Variants in CELF4 observed in about 807,000 individuals in gnomAD.
The protein encoded by CELF4 is CUGBP Elav-like family member 4.
In CELF4, 18 loss-of-function variants were observed where a neutral mutation model predicts 59.9. That is an observed-to-expected ratio of 0.30 (90% CI 0.21 to 0.45). CELF4 has a LOEUF of 0.45. CELF4 is among the 20% of genes least tolerant of loss of function. The pLI is 1.00. For synonymous variants in CELF4, 261 were observed against 267.1 expected, an observed-to-expected ratio of 0.98 and a Z score of 0.22; for missense variants, 456 against 689.0, an observed-to-expected ratio of 0.66 and a Z score of 3.79.
At chr18:37,255,228 G>A (rs2068480574) in intron 11 of CELF4, among the ~76,000 whole-genome samples, 1 of 152,088 alleles carries the variant, frequency 6.6e-6, no homozygotes, top group East Asian at 1.9e-4. Flanking sequence ...CGGGAGTGAA[G>A]TAGAAGCCGT....
At chr18:37,553,289 C>T (rs1392112635) in intron 1 of CELF4, among the ~76,000 whole-genome samples, 3 of 152,194 alleles carry the variant, frequency 2.0e-5, no homozygotes, top group Non-Finnish European at 4.4e-5. Context: ...AGTTGCTCTA[C>T]TGGGGCCTCA....
At chr18:37,415,065 T>C (rs2099516495) in intron 2 of CELF4, among the ~76,000 whole-genome samples, 1 of 152,062 alleles carries the variant, frequency 6.6e-6, no homozygotes, top group Admixed American at 6.6e-5. Context: ...TGTGTAAGAG[T>C]GGGCCAGGGT....
In CELF4 at chr18:37,259,790, C is replaced by G. The variant is rs564559253; in HGVS notation, c.1250-526G>C. On this transcript the variant is annotated intron_variant, in intron 10 of 12. Coordinates refer to ENST00000420428, the MANE Select transcript of CELF4 (RefSeq NM_020180.4). ...ATCCTCCCCCTGGCCTGCAGCCTCT[C>G]TTTCTCATCTGCCCCTGATGGCCCA... Among the ~76,000 whole-genome samples the G allele has an allele frequency of 5.9e-5, 9 of 152,308 alleles. No individual in the cohort carries two copies. In the East Asian group the frequency reaches 1.7e-3, roughly 29 times the overall value.
chr18:37,531,645 G>A (rs1178923387), intron 1 of CELF4, among the ~76,000 whole-genome samples: 1 of 152,202 alleles, frequency 6.6e-6, no homozygotes, highest in East Asian at 1.9e-4. Context: ...GTGGGGTGGG[G>A]TGGGTGGAAC....
At chr18:37,467,968 G>C (rs192306149) in intron 2 of CELF4, among the ~76,000 whole-genome samples, 1 of 152,166 alleles carries the variant, frequency 6.6e-6, no homozygotes, top group East Asian at 1.9e-4. Flanking sequence ...CATGTACTCT[G>C]TTGTGTGTAT....
At chr18:37,258,900 C>T (rs1472681126) in intron 11 of CELF4, 11 of 532,064 alleles carry the variant, frequency 2.1e-5, no homozygotes, top group South Asian at 1.2e-4. Flanking sequence ...TTTCTTGGAC[C>T]GGGAGTGGGA....
rs183079377 is a variant in CELF4, at chr18:37,386,261, G to C, written c.370-64380C>G. ...ATGTGTTGAAATAAACAGTGTTCTG[G>C]AAGCTTAGAGAAAGGAATAATTAAC... On this transcript the variant is annotated intron_variant, in intron 2 of 12. Coordinates refer to ENST00000420428, the MANE Select transcript of CELF4 (RefSeq NM_020180.4). Among the ~76,000 whole-genome samples, 335 of 152,344 alleles carry C rather than the reference G, an allele frequency of 2.2e-3. 2 individuals carry two copies. Among genetic ancestry groups the C allele is most frequent in the African/African-American group, 7.4e-3 (307 of 41,572 alleles).
chr18:37,468,301 AAT>A (rs1456997055), intron 2 of CELF4, among the ~76,000 whole-genome samples: 15 of 152,252 alleles, frequency 9.9e-5, no homozygotes, highest in African/African-American at 3.4e-4. Flanking sequence ...CTGGAGTAAT[AAT>A]TCCACTCCCA....
chr18:37,384,447 G>A (rs2099077582), intron 2 of CELF4, among the ~76,000 whole-genome samples: 1 of 152,042 alleles, frequency 6.6e-6, no homozygotes, highest in South Asian at 2.1e-4. Flanking sequence ...GGCCCTGTTG[G>A]GGGCCTGTGG....
intron 1 of CELF4, among the ~76,000 whole-genome samples, chr18:37,487,438 C>T (rs1419809523): frequency 6.6e-6 from 1 of 152,226 alleles, no homozygotes; most frequent in Non-Finnish European, 1.5e-5. Context: ...AGAAATCTCT[C>T]TCCCTCTCTG....
intron 2 of CELF4, among the ~76,000 whole-genome samples, chr18:37,469,766 T>C (rs558850482): frequency 2.0e-5 from 3 of 152,216 alleles, no homozygotes; most frequent in African/African-American, 7.2e-5. Context: ...TTTTCTTCCA[T>C]TGATTTATCT....
chr18:37,317,309 C>T (rs2096900747), intron 3 of CELF4, among the ~76,000 whole-genome samples: 1 of 152,232 alleles, frequency 6.6e-6, no homozygotes, highest in South Asian at 2.1e-4. Flanking sequence ...ATCACTTGAA[C>T]CCGGGAGGCG....
chr18:37,502,334 G>A (rs536643028), intron 1 of CELF4, among the ~76,000 whole-genome samples: 33 of 152,116 alleles, frequency 2.2e-4, no homozygotes, highest in African/African-American at 6.3e-4. Flanking sequence ...ACCGACAGCC[G>A]CAAATAAACC....
At chr18:37,446,705 A>T (rs1569569446) in intron 2 of CELF4, among the ~76,000 whole-genome samples, 2 of 150,386 alleles carry the variant, frequency 1.3e-5, no homozygotes, top group Admixed American at 6.6e-5. Context: ...TCCTCTCTCT[A>T]CCTCTCCCTT....
chr18:37,379,557 T>C (rs1018844135), intron 2 of CELF4, among the ~76,000 whole-genome samples: 1 of 144,598 alleles, frequency 6.9e-6, no homozygotes, highest in Non-Finnish European at 1.5e-5. Flanking sequence ...CTCCTGTATA[T>C]GCCAGCAAGA....
chr18:37,459,258 TC>T (rs145216583), intron 2 of CELF4, among the ~76,000 whole-genome samples: 2,613 of 152,272 alleles, frequency 0.017, 66 homozygotes, highest in African/African-American at 0.059. Context: ...TTCTCTTTGG[TC>T]CCAGTTTGTC....
chr18:37,267,644 T>C (rs1569318175), intron 8 of CELF4, among the ~76,000 whole-genome samples: 4 of 152,186 alleles, frequency 2.6e-5, no homozygotes, highest in Admixed American at 1.3e-4. Context: ...CTAAGCTAAG[T>C]GGCCATGCCA....
chr18:37,286,095 GC>G (rs1160003925), intron 3 of CELF4, among the ~76,000 whole-genome samples: 1 of 152,126 alleles, frequency 6.6e-6, no homozygotes, highest in Non-Finnish European at 1.5e-5. Flanking sequence ...TCCAGCATGG[GC>G]GGGGGGAGGT....
chr18:37,507,867 C>T (rs1182893106), intron 1 of CELF4, among the ~76,000 whole-genome samples: 1 of 152,180 alleles, frequency 6.6e-6, no homozygotes, highest in East Asian at 1.9e-4. Flanking sequence ...CCACATCTGC[C>T]CATCCTCCTG....
Sources: gnomAD v4.1 joint callset for allele counts (sites outside exome capture counted in the v4.1 genomes callset) on GRCh38, gnomAD v4.1.1 for gene constraint, MANE v1.5 for transcripts, NCBI Gene and HGNC (gene_info 2026-07-23, HGNC 2026-07-21) for gene names.